The following DYRK1A variants were observed in gnomAD, a reference collection of about 807,000 sequenced individuals.
DYRK1A encodes the protein dual specificity tyrosine-phosphorylation-regulated kinase 1A.
Under a neutral mutation model 79.7 loss-of-function variants are expected in DYRK1A, and 9 were observed. The observed-to-expected ratio is 0.11, with a 90% CI of 0.07 to 0.20. DYRK1A has a LOEUF of 0.20. Among genes scored for constraint, DYRK1A ranks in the 10% least tolerant of loss-of-function variants. DYRK1A has a pLI of 1.00. For missense variants in DYRK1A, 622 were observed against 956.0 expected, an observed-to-expected ratio of 0.65 and a Z score of 4.61; for synonymous variants, 349 against 329.7, an observed-to-expected ratio of 1.06 and a Z score of -0.63.
intron 1 of DYRK1A, among the ~76,000 whole-genome samples, chr21:37,418,484 A>G (rs2050401691): frequency 6.6e-6 from 1 of 152,182 alleles, no homozygotes; most frequent in Non-Finnish European, 1.5e-5. Flanking sequence ...AGTAATATCT[A>G]CTTCTATCGA....
intron 2 of DYRK1A, among the ~76,000 whole-genome samples, chr21:37,455,132 T>C (rs1157012844): frequency 1.4e-5 from 2 of 145,474 alleles, no homozygotes; most frequent in African/African-American, 5.2e-5. Flanking sequence ...GAGAGAGTGG[T>C]GTATATATTT....
At chr21:37,450,585 G>A (rs947625977) in intron 2 of DYRK1A, among the ~76,000 whole-genome samples, 4 of 152,202 alleles carry the variant, frequency 2.6e-5, no homozygotes, top group African/African-American at 9.7e-5. Context: ...ATTTGGGTGA[G>A]TCAGCAGAGA....
chr21:37,478,438 G>C (rs2052480572), intron 4 of DYRK1A, 138 bp downstream of exon 4: 6 of 618,490 alleles, frequency 9.7e-6, no homozygotes, highest in Non-Finnish European at 1.6e-5. Flanking sequence ...TAATGATTTA[G>C]AAATAATATT....
chr21:37,369,301 C>T (rs1196790493), intron 1 of DYRK1A, among the ~76,000 whole-genome samples: 3 of 152,074 alleles, frequency 2.0e-5, no homozygotes, highest in African/African-American at 7.2e-5. Context: ...ATATTGTTTT[C>T]AAGTAGACTT....
At chr21:37,412,393 C>T (rs577645379) in intron 1 of DYRK1A, among the ~76,000 whole-genome samples, 6 of 152,254 alleles carry the variant, frequency 3.9e-5, no homozygotes, top group African/African-American at 1.4e-4. Flanking sequence ...TTTTTAAGCA[C>T]AGTAGTTCCC....
At chr21:37,397,397 AAATT>A in intron 1 of DYRK1A, among the ~76,000 whole-genome samples, 1 of 152,332 alleles carries the variant, frequency 6.6e-6, no homozygotes, top group Non-Finnish European at 1.5e-5. Flanking sequence ...ACAAGTTTTG[AAATT>A]AATTAGAAAC....
At chr21:37,435,802 T>C (rs1278874627) in intron 2 of DYRK1A, among the ~76,000 whole-genome samples, 2 of 152,222 alleles carry the variant, frequency 1.3e-5, no homozygotes, top group African/African-American at 4.8e-5. Flanking sequence ...ACTGCCTGTG[T>C]AGTCTAGCAA....
intron 1 of DYRK1A, among the ~76,000 whole-genome samples, chr21:37,399,373 G>T (rs2050014281): frequency 6.6e-6 from 1 of 152,180 alleles, no homozygotes; most frequent in African/African-American, 2.4e-5. Flanking sequence ...TGGGGATAGA[G>T]ATCTGTGGAT....
Position 37,512,631 on chromosome 21 carries a change from A to T in DYRK1A, c.*100A>T. The T allele has an allele frequency of 7.2e-7, 1 of 1,382,608 alleles. No homozygotes were observed. Among genetic ancestry groups the T allele is most frequent in the Admixed American group, 2.1e-5 (1 of 46,524 alleles). The allele number at this position is 1,382,608 out of a possible 1,614,324, so 85.6% of individuals were successfully genotyped here. On this transcript the variant is annotated 3_prime_UTR_variant, in exon 12 of 12. Coordinates refer to ENST00000647188, the MANE Select transcript of DYRK1A (RefSeq NM_001347721.2). ...AGCTGCTTGAATCAGGAGGAGATTAACACACTGAACCGCTACAAGAGGGCA... is the reference window on the plus strand; with the variant it reads ...AGCTGCTTGAATCAGGAGGAGATTATCACACTGAACCGCTACAAGAGGGCA...
chr21:37,443,154 T>C (rs73218435), intron 2 of DYRK1A, among the ~76,000 whole-genome samples: 12,584 of 151,948 alleles, frequency 0.083, 675 homozygotes, highest in Non-Finnish European at 0.11. Context: ...TCTTTTTTTT[T>C]CCCCTTTCTT....
At position 37,522,733 on chromosome 21, in the gene DYRK1A, C is replaced by G. The variant is rs2053943165; in HGVS notation, c.*10202C>G. ...TTAATTGTGAAACTAGAATCACTTC[C>G]AGGAAGCTCTGAAGAATCAAGTCTG... is the stretch of plus-strand genomic sequence containing the variant. On this transcript the variant is annotated 3_prime_UTR_variant, in exon 12 of 12. Coordinates refer to ENST00000647188, the MANE Select transcript of DYRK1A (RefSeq NM_001347721.2). 1 of 152,220 alleles carries G rather than the reference C, an allele frequency of 6.6e-6. No homozygotes were observed. The highest frequency in any genetic ancestry group is 1.5e-5 in the Non-Finnish European group (1 of 68,042). The allele number at this position is 152,220 out of a possible 1,614,324, so 9.4% of individuals were successfully genotyped here.
At chr21:37,366,547 G>A (rs2049308876), upstream of DYRK1A, among the ~76,000 whole-genome samples, 1 of 149,226 alleles carries the variant, frequency 6.7e-6, no homozygotes, top group Admixed American at 6.7e-5. Context: ...CGAATCACGC[G>A]CCCTCCTCTG....
intron 6 of DYRK1A, chr21:37,487,156 C>A (rs1470115714): frequency 6.6e-6 from 1 of 152,118 alleles, no homozygotes; most frequent in African/African-American, 2.4e-5. Context: ...TTTCTTCCAT[C>A]ATCTGTAATA....
chr21:37,453,128 T>C (rs1306459626), intron 2 of DYRK1A, among the ~76,000 whole-genome samples: 1 of 152,132 alleles, frequency 6.6e-6, no homozygotes, highest in African/African-American at 2.4e-5. Flanking sequence ...AAGAAAAAAG[T>C]ACAAAGCAAC....
At chr21:37,467,696 CTT>C (rs1319987080) in intron 2 of DYRK1A, among the ~76,000 whole-genome samples, 2 of 152,158 alleles carry the variant, frequency 1.3e-5, no homozygotes, top group Non-Finnish European at 2.9e-5. Flanking sequence ...TAGAAGGAAA[CTT>C]TGTTAATCTG....
At chr21:37,429,532 A>G (rs1394463412) in intron 2 of DYRK1A, among the ~76,000 whole-genome samples, 1 of 152,202 alleles carries the variant, frequency 6.6e-6, no homozygotes, top group Non-Finnish European at 1.5e-5. Flanking sequence ...GAGAAGTGGG[A>G]GTGCTACACA....
At chr21:37,476,445 A>G (rs899596419) in intron 3 of DYRK1A, among the ~76,000 whole-genome samples, 16 of 152,254 alleles carry the variant, frequency 1.1e-4, no homozygotes, top group African/African-American at 3.9e-4. Flanking sequence ...TATAGCAGTA[A>G]TGAAGCATTG....
At chr21:37,423,741 T>C (rs2050540421) in intron 2 of DYRK1A, among the ~76,000 whole-genome samples, 1 of 152,164 alleles carries the variant, frequency 6.6e-6, no homozygotes, top group Middle Eastern at 3.2e-3. Flanking sequence ...TAGTCACTTT[T>C]AAATGTGGAA....
At chr21:37,480,498 T>C (rs950395501) in intron 4 of DYRK1A, 140 bp from the exon 5 acceptor site, 3 of 583,442 alleles carry the variant, frequency 5.1e-6, no homozygotes, top group South Asian at 4.3e-5. Flanking sequence ...ACTGTATAAA[T>C]TTTTTCATTG....
Sources: allele counts gnomAD v4.1 joint callset (sites outside exome capture counted in the v4.1 genomes callset), GRCh38; gene constraint gnomAD v4.1.1; transcripts MANE v1.5; gene names NCBI Gene and HGNC (gene_info 2026-07-23, HGNC 2026-07-21).